KSR2: variants seen among roughly 807,000 people sequenced by gnomAD.
The protein encoded by KSR2 is kinase suppressor of ras 2.
In KSR2, 25 loss-of-function variants were observed where a neutral mutation model predicts 107.8. The observed-to-expected ratio is 0.23, with a 90% CI of 0.17 to 0.32. The LOEUF is 0.32. KSR2 is among the 10% of genes least tolerant of loss of function. The pLI, the probability that KSR2 is intolerant of heterozygous loss-of-function variation, is 1.00. For synonymous variants in KSR2, 480 were observed against 507.0 expected (o/e 0.95, Z 0.71); for missense variants, 887 against 1,268.9 (o/e 0.70, Z 4.57).
intron 4 of KSR2, among the ~76,000 whole-genome samples, chr12:117,675,452 A>G (rs1273756946): frequency 6.6e-6 from 1 of 152,210 alleles, no homozygotes; most frequent in Non-Finnish European, 1.5e-5. Context: ...ACAGAAATAC[A>G]ATTTCTTTTT....
chr12:117,766,703 T>G (rs1283552680), intron 3 of KSR2, among the ~76,000 whole-genome samples: 1 of 151,246 alleles, frequency 6.6e-6, no homozygotes, highest in Admixed American at 6.6e-5. Context: ...CTGGAGGAGG[T>G]GGCACCTAAG....
At chr12:117,725,858 A>C (rs1210114613) in intron 4 of KSR2, among the ~76,000 whole-genome samples, 1 of 152,104 alleles carries the variant, frequency 6.6e-6, no homozygotes. Context: ...GAGGCACAAG[A>C]ATCACTTAAA....
At chr12:117,767,018 G>A (rs1427380333) in intron 3 of KSR2, among the ~76,000 whole-genome samples, 2 of 151,796 alleles carry the variant, frequency 1.3e-5, no homozygotes, top group African/African-American at 4.8e-5. Flanking sequence ...TCGAGTAGTT[G>A]GGACTACAGT....
chr12:117,579,287 G>T, intron 6 of KSR2, 85 bp from the exon 7 acceptor site: 2 of 925,462 alleles, frequency 2.2e-6, no homozygotes, highest in African/African-American at 1.6e-5. Context: ...TGAAGAGCAA[G>T]CACATGAACC....
intron 3 of KSR2, among the ~76,000 whole-genome samples, chr12:117,819,359 G>A (rs1357939143): frequency 6.6e-6 from 1 of 152,202 alleles, no homozygotes; most frequent in African/African-American, 2.4e-5. Context: ...TCTAAGTGAG[G>A]GCATGCCCTA....
chr12:117,631,396 T>A (rs1882800505), intron 5 of KSR2, among the ~76,000 whole-genome samples: 1 of 152,216 alleles, frequency 6.6e-6, no homozygotes, highest in Non-Finnish European at 1.5e-5. Context: ...ACAGCAAGCC[T>A]ATATGATGGC....
chr12:117,965,062 T>G (rs1034248562), intron 1 of KSR2, among the ~76,000 whole-genome samples: 2 of 152,176 alleles, frequency 1.3e-5, no homozygotes, highest in African/African-American at 4.8e-5. Context: ...CTTCCCGGGC[T>G]CCCTTGCAGC....
intron 14 of KSR2, among the ~76,000 whole-genome samples, chr12:117,498,500 A>G (rs1414066872): frequency 6.6e-6 from 1 of 152,168 alleles, no homozygotes; most frequent in African/African-American, 2.4e-5. Flanking sequence ...TCTTGGAATG[A>G]GTGCATGGAT....
intron 5 of KSR2, among the ~76,000 whole-genome samples, chr12:117,599,176 T>C (rs1172768589): frequency 2.0e-5 from 3 of 152,300 alleles, no homozygotes; most frequent in East Asian, 1.9e-4. Flanking sequence ...ACTTAATGAT[T>C]TGACACAACT....
intron 14 of KSR2, among the ~76,000 whole-genome samples, chr12:117,503,616 T>C (rs573632076): frequency 2.0e-5 from 3 of 152,144 alleles, no homozygotes; most frequent in Non-Finnish European, 4.4e-5. Flanking sequence ...CAACTTTACA[T>C]GAGTGAGAAA....
chr12:117,818,659 G>A (rs1308766071), intron 3 of KSR2, among the ~76,000 whole-genome samples: 1 of 152,130 alleles, frequency 6.6e-6, no homozygotes, highest in Non-Finnish European at 1.5e-5. Context: ...GGTTATTGTC[G>A]TTTCTAAGCC....
At chr12:117,791,960 C>T (rs529249979) in intron 3 of KSR2, among the ~76,000 whole-genome samples, 2 of 152,286 alleles carry the variant, frequency 1.3e-5, no homozygotes, top group Admixed American at 6.5e-5. Flanking sequence ...ACAATGAGTG[C>T]CCACTGCATA....
chr12:117,863,862 C>T (rs1300663949), intron 1 of KSR2, among the ~76,000 whole-genome samples: 1 of 152,134 alleles, frequency 6.6e-6, no homozygotes, highest in Non-Finnish European at 1.5e-5. Context: ...ACTCCACTTC[C>T]TCTATCACCA....
At chr12:117,794,306 CACACACCA>C (rs1216053441) in intron 3 of KSR2, among the ~76,000 whole-genome samples, 4 of 88,698 alleles carry the variant, frequency 4.5e-5, no homozygotes, top group Admixed American at 1.2e-4. Context: ...CCAACATGCA[CACACACCA>C]ACATGCACTC....
At chr12:117,521,476 G>T (rs1049816666) in intron 14 of KSR2, among the ~76,000 whole-genome samples, 1 of 152,272 alleles carries the variant, frequency 6.6e-6, no homozygotes, top group Non-Finnish European at 1.5e-5. Flanking sequence ...TGCGCAGACC[G>T]TCGATAGCTT....
chr12:117,570,004 C>CTT (rs58314222), intron 7 of KSR2, among the ~76,000 whole-genome samples: 3 of 140,156 alleles, frequency 2.1e-5, no homozygotes, highest in Non-Finnish European at 3.1e-5. Flanking sequence ...TGTCTGCAGA[C>CTT]TTTTTTTTTT....
intron 5 of KSR2, among the ~76,000 whole-genome samples, chr12:117,620,260 G>C (rs1288346411): frequency 6.6e-6 from 1 of 152,134 alleles, no homozygotes; most frequent in Non-Finnish European, 1.5e-5. Context: ...TGAGCTTCCT[G>C]GGAGTCAGAG....
At chr12:117,535,440 AAAGAG>A (rs1380717208) in intron 10 of KSR2, among the ~76,000 whole-genome samples, 3 of 152,162 alleles carry the variant, frequency 2.0e-5, no homozygotes, top group African/African-American at 7.2e-5. Flanking sequence ...GATGAGCATA[AAAGAG>A]GCACTCAGGA....
rs116005508 is a variant in KSR2 at position 117,703,294 on chromosome 12, G to A, written c.987-35636C>T. ...ACTCAACAAATACTGAAGGAGCAACGACAGTGTGCTAGGCAGGACTATGAG... is the reference window on the plus strand; with the variant it reads ...ACTCAACAAATACTGAAGGAGCAACAACAGTGTGCTAGGCAGGACTATGAG... On this transcript the variant is annotated intron_variant, in intron 4 of 19. Transcript: ENST00000339824. Among the ~76,000 whole-genome samples, 493 of 152,286 alleles carry A rather than the reference G, an allele frequency of 3.2e-3. 1 individual carries two copies. The highest frequency in any genetic ancestry group is 0.011 in the African/African-American group (459 of 41,564).
Sources: allele counts gnomAD v4.1 joint callset (sites outside exome capture counted in the v4.1 genomes callset), GRCh38; gene constraint gnomAD v4.1.1; transcripts MANE v1.5; gene names NCBI Gene and HGNC (gene_info 2026-07-23, HGNC 2026-07-21).